NGDN: variants seen among roughly 807,000 people sequenced by gnomAD.
NGDN encodes EIF4E-binding protein.
In NGDN, 41 loss-of-function variants were observed where a neutral mutation model predicts 45.2. That is an observed-to-expected ratio of 0.91 (90% CI 0.71 to 1.18). NGDN has a LOEUF of 1.18. NGDN is among the 50% of genes most tolerant of loss of function. The probability of loss-of-function intolerance (pLI) is 0.00; values close to 1 mark genes in which losing one functional copy is unlikely to be tolerated. For missense variants in NGDN, 402 were observed against 399.9 expected (o/e 1.01, Z -0.05); for synonymous variants, 137 against 130.9 (o/e 1.05, Z -0.32).
In NGDN at chr14:23,475,742, T is replaced by G. The variant is rs111774192; in HGVS notation, c.384T>G (p.Leu128=). 2.8e-4 allele frequency: 447 copies of G among 1,613,662 alleles called. 4 individuals carry two copies. The African/African-American group carries it at 4.1e-3, about 15-fold the overall frequency. Residue 128 remains leucine, a synonymous_variant, in exon 6 of 11, where the codon CTT becomes CTG. Transcript: ENST00000408901. The part of the protein sequence containing the change: ...VTGSLSENDP[L]RFKPHPSNMM... ...TTATTTCAGGTGAGAATGACCCACT[T>G]CGTTTTAAGCCTCATCCCAGCAATA...
At chr14:23,471,549 T>G (rs900773294) in intron 3 of NGDN, 2 of 152,364 alleles carry the variant, frequency 1.3e-5, no homozygotes, top group Non-Finnish European at 2.9e-5. Context: ...CCGGGCATGG[T>G]GGCTCATGCC....
At chr14:23,475,094 T>C in intron 3 of NGDN, 77 bp from the exon 4 acceptor site, 3 of 1,451,896 alleles carry the variant, frequency 2.1e-6, no homozygotes, top group Middle Eastern at 3.7e-4. Flanking sequence ...TGGAAAAACA[T>C]CCCGTTTACC....
chr14:23,475,493 A>G (rs770985081), intron 4 of NGDN, 65 bp from the exon 5 acceptor site: 77 of 1,507,744 alleles, frequency 5.1e-5, no homozygotes, highest in Non-Finnish European at 6.9e-5. Flanking sequence ...ACCTTAATAT[A>G]GGGACTCTGG....
intron 3 of NGDN, among the ~76,000 whole-genome samples, chr14:23,473,742 A>G (rs1485813834): frequency 1.3e-5 from 2 of 152,206 alleles, no homozygotes; most frequent in Non-Finnish European, 2.9e-5. Context: ...CAAGAAGGGA[A>G]TATATTTTGA....
In NGDN at chr14:23,477,271, C is replaced by G; in HGVS notation, c.785C>G (p.Ala262Gly). 2 of 1,614,104 alleles carry G rather than the reference C, an allele frequency of 1.2e-6. No homozygotes were observed. Among genetic ancestry groups the G allele is most frequent in the Non-Finnish European group, 1.7e-6 (2 of 1,180,002 alleles). ...CGAGAGAAAGGACGGCGAAAACGAG[C>G]AAATGTCATGAGCTCACAACTTCAT... ...SKREKGRRKR[A>G]NVMSSQLHSL... The change falls in exon 9 of 11, where the codon GCA becomes GGA. Residue 262 changes from alanine (A) to glycine (G), a missense_variant. Coordinates refer to ENST00000408901, the MANE Select transcript of NGDN (RefSeq NM_001042635.2).
At chr14:23,470,767 G>C (rs1053587415) in intron 2 of NGDN, 139 bp from the exon 3 acceptor site, 1 of 530,172 alleles carries the variant, frequency 1.9e-6, no homozygotes, top group South Asian at 3.9e-5. Context: ...TATGCTTTCC[G>C]AGAAGTGAGA....
rs756880145 is a variant in NGDN at position 23,476,359 on chromosome 14, A to T, written c.665A>T (p.Asp222Val). 43 of 1,613,026 alleles carry T rather than the reference A, an allele frequency of 2.7e-5. No homozygotes were observed. In the Middle Eastern group the frequency reaches 9.5e-4, roughly 36 times the overall value. ...QYSDAPEEIR[D>V]ARHPHVTRQS... ...TCAGATGCTCCAGAGGAAATCCGTG[A>T]TGCTCGGCATCCCCATGTTACCCGC... is the stretch of plus-strand genomic sequence containing the variant. Residue 222 changes from aspartate to valine, a missense_variant, in exon 8 of 11, where the codon GAT becomes GTT. Asp to Val is a radical substitution (Grantham distance 152). Transcript: ENST00000408901.
At chr14:23,472,422 C>T (rs1893803049) in intron 3 of NGDN, among the ~76,000 whole-genome samples, 1 of 152,084 alleles carries the variant, frequency 6.6e-6, no homozygotes, top group Admixed American at 6.6e-5. Context: ...ATTGTTTGAA[C>T]TCAGGAGGCA....
chr14:23,473,063 G>A (rs113499374), intron 3 of NGDN, among the ~76,000 whole-genome samples: 85 of 152,264 alleles, frequency 5.6e-4, no homozygotes, highest in Non-Finnish European at 1.0e-3. Flanking sequence ...GCAGTGGCAC[G>A]ATCCTGGCTC....
rs531717587 is a variant in NGDN, at chr14:23,476,262, A to G, written c.568A>G (p.Lys190Glu). The change falls in exon 8 of 11, where the codon AAG (lysine) becomes GAG (glutamate). Residue 190 changes from lysine (K) to glutamate (E), a missense_variant. Transcript: ENST00000408901. Reference protein sequence around the residue: ...HYDETEAEREKKRLERAKRRA... With the variant: ...HYDETEAEREEKRLERAKRRA... ...AGATGAAACAGAAGCTGAGCGGGAG[A>G]AGAAGCGTCTAGAACGAGCCAAGAG... 171 of 1,614,086 alleles carry G rather than the reference A, an allele frequency of 1.1e-4. 1 individual carries two copies. In the South Asian group the frequency reaches 1.7e-3, roughly 16 times the overall value.
chr14:23,475,635 C>T lies in NGDN; in HGVS notation c.360C>T (p.Gly120=). The T allele has an allele frequency of 6.2e-7, 1 of 1,614,162 alleles. No individual in the cohort carries two copies. Among genetic ancestry groups the T allele is most frequent in the Non-Finnish European group, 8.5e-7 (1 of 1,179,974 alleles). The change falls in exon 5 of 11, where the codon GGC becomes GGT. Residue 120 remains glycine (G), a synonymous_variant. Coordinates refer to ENST00000408901, the MANE Select transcript of NGDN (RefSeq NM_001042635.2). ...AGCTGATCAAGACTGCAGTGACAGG[C>T]AGCCTTAGTAAGTGAGGAGACCATC... ...IDKLIKTAVT[G]SLSENDPLRF...
At chr14:23,474,741 A>G (rs1054737405) in intron 3 of NGDN, among the ~76,000 whole-genome samples, 2 of 152,236 alleles carry the variant, frequency 1.3e-5, no homozygotes, top group East Asian at 1.9e-4. Context: ...AAATTAATTT[A>G]AAACTTGGCA....
chr14:23,470,251 C>T (rs1278441924), intron 2 of NGDN, 150 bp downstream of exon 2: 2 of 628,062 alleles, frequency 3.2e-6, no homozygotes, highest in Non-Finnish European at 5.6e-6. Flanking sequence ...CGCCAGAATT[C>T]TAAGTAATTG....
chr14:23,476,331 T>A lies in NGDN; in HGVS notation c.637T>A (p.Tyr213Asn). ...TGTCATTCGTGAACTTAAGGAGCAGTACTCAGATGCTCCAGAGGAAATCCG... is the reference window on the plus strand; with the variant it reads ...TGTCATTCGTGAACTTAAGGAGCAGAACTCAGATGCTCCAGAGGAAATCCG... ...SSVIRELKEQYSDAPEEIRDA... is the reference protein window; with the variant it reads ...SSVIRELKEQNSDAPEEIRDA... Residue 213 changes from tyrosine to asparagine, a missense_variant, in exon 8 of 11, where the codon TAC becomes AAC. Physicochemically the swap from Tyr to Asn is moderately radical, Grantham distance 143 (BLOSUM62 -2). Coordinates refer to ENST00000408901, the MANE Select transcript of NGDN (RefSeq NM_001042635.2). The A allele has an allele frequency of 6.2e-7, 1 of 1,613,904 alleles. No homozygotes were observed. Among genetic ancestry groups the A allele is most frequent in the Non-Finnish European group, 8.5e-7 (1 of 1,179,982 alleles).
Position 23,469,789 on chromosome 14 carries a change from G to A in NGDN, c.12+62G>A. ...GTGGAGTTGTCCTTTGCCTTCAGCG[G>A]CTGGAGGCAAACTGTTGGTACCAGG... is the stretch of plus-strand genomic sequence containing the variant. On this transcript the variant is annotated intron_variant, in intron 1 of 10. Coordinates refer to ENST00000408901, the MANE Select transcript of NGDN (RefSeq NM_001042635.2). 4.4e-6 allele frequency: 7 copies of A among 1,604,082 alleles called. No homozygotes were observed. In the East Asian group the frequency reaches 6.7e-5, roughly 15 times the overall value.
downstream of NGDN, chr14:23,478,283 T>G: frequency 2.2e-6 from 1 of 461,112 alleles, no homozygotes; most frequent in South Asian, 4.0e-5. Context: ...GCAAAACATT[T>G]GTATTGTTTT....
chr14:23,477,691 AGG>A, intron 10 of NGDN, 131 bp downstream of exon 10: 1 of 1,490,652 alleles, frequency 6.7e-7, no homozygotes, highest in Non-Finnish European at 8.9e-7. Context: ...TAATCTCCTT[AGG>A]TGGGCTTTTA....
intron 3 of NGDN, chr14:23,471,225 A>C (rs1053077851): frequency 2.8e-6 from 1 of 362,020 alleles, no homozygotes; most frequent in Non-Finnish European, 4.9e-6. Context: ...CCAGAAGAGC[A>C]GAGGGATTCA....
At chr14:23,469,797 CA>C in intron 1 of NGDN, 70 bp downstream of exon 1, 1 of 1,590,258 alleles carries the variant, frequency 6.3e-7, no homozygotes, top group Non-Finnish European at 8.6e-7. Flanking sequence ...CGGCTGGAGG[CA>C]AACTGTTGGT....
Sources: gnomAD v4.1 joint callset for allele counts (sites outside exome capture counted in the v4.1 genomes callset) on GRCh38, gnomAD v4.1.1 for gene constraint, MANE v1.5 for transcripts, NCBI Gene and HGNC (gene_info 2026-07-23, HGNC 2026-07-21) for gene names.